Variants in RTN1 observed in about 807,000 individuals in gnomAD.
RTN1 encodes the protein reticulon 1, also known as reticulon-1.
Under a neutral mutation model 65.5 loss-of-function variants are expected in RTN1, and 25 were observed. That is an observed-to-expected ratio of 0.38 (90% CI 0.28 to 0.53). The LOEUF (loss-of-function observed/expected upper bound fraction) is 0.53. Among genes scored for constraint, RTN1 ranks in the 20% least tolerant of loss-of-function variants. The pLI is 0.79. For synonymous variants in RTN1, 471 were observed against 447.6 expected (o/e 1.05, Z -0.66); for missense variants, 983 against 1,025.4 (o/e 0.96, Z 0.57).
At chr14:59,738,040 C>G (rs1274705327) in intron 2 of RTN1, among the ~76,000 whole-genome samples, 1 of 152,114 alleles carries the variant, frequency 6.6e-6, no homozygotes, top group Non-Finnish European at 1.5e-5. Flanking sequence ...AAATGTAAAA[C>G]CCAAAACTAT....
chr14:59,689,305 G>A (rs898725850), intron 3 of RTN1, among the ~76,000 whole-genome samples: 2 of 152,150 alleles, frequency 1.3e-5, no homozygotes, highest in African/African-American at 4.8e-5. Flanking sequence ...TTAGAAATAT[G>A]GGATTAGGTA....
rs1404398210 is a variant in RTN1 at position 59,704,160 on chromosome 14, G to A, written c.1765+22759C>T. Among the ~76,000 whole-genome samples the A allele has an allele frequency of 1.3e-5, 2 of 152,164 alleles. 1 individual carries two copies. The highest frequency in any genetic ancestry group is 4.2e-4 in the South Asian group (2 of 4,812). ...GAGTCTGATGAAAGTTACGATCTTG[G>A]TCTAGCAAAATGCTCCTGCAAATAT... On this transcript the variant is annotated intron_variant, in intron 3 of 8. Transcript: ENST00000267484.
chr14:59,812,644 A>C (rs78974457), intron 1 of RTN1, among the ~76,000 whole-genome samples: 1,841 of 152,292 alleles, frequency 0.012, 35 homozygotes, highest in African/African-American at 0.041. Context: ...CAATTCAGCT[A>C]TTTTCTCCAT....
At chr14:59,823,815 C>T (rs1886985013) in intron 1 of RTN1, among the ~76,000 whole-genome samples, 1 of 152,160 alleles carries the variant, frequency 6.6e-6, no homozygotes, top group Admixed American at 6.5e-5. Context: ...ACCTCTCTAG[C>T]AAGGTTGGGG....
intron 3 of RTN1, among the ~76,000 whole-genome samples, chr14:59,717,198 G>T (rs1348985137): frequency 6.6e-6 from 1 of 152,128 alleles, no homozygotes; most frequent in East Asian, 1.9e-4. Context: ...AAAGAATTAG[G>T]TTTTGGGGCA....
At chr14:59,668,523 C>A (rs1270926366) in intron 3 of RTN1, among the ~76,000 whole-genome samples, 1 of 152,140 alleles carries the variant, frequency 6.6e-6, no homozygotes, top group Non-Finnish European at 1.5e-5. Context: ...TAGGCAATAC[C>A]ATTCAGGACA....
chr14:59,796,025 G>T (rs182062165), intron 1 of RTN1, among the ~76,000 whole-genome samples: 6 of 152,224 alleles, frequency 3.9e-5, no homozygotes, highest in Non-Finnish European at 7.4e-5. Flanking sequence ...ATGAGGTAAG[G>T]TCTCTGCCCC....
chr14:59,723,434 A>G (rs930979990), intron 3 of RTN1, among the ~76,000 whole-genome samples: 7 of 151,156 alleles, frequency 4.6e-5, no homozygotes, highest in East Asian at 2.0e-4. Context: ...GTGAAACCCC[A>G]TCTCCACTAA....
chr14:59,738,959 T>C (rs1366235727), intron 2 of RTN1, among the ~76,000 whole-genome samples: 2 of 151,562 alleles, frequency 1.3e-5, no homozygotes, highest in Non-Finnish European at 2.9e-5. Flanking sequence ...TAAGAACACA[T>C]GGACATATTG....
intron 2 of RTN1, among the ~76,000 whole-genome samples, chr14:59,737,849 A>T (rs1298261252): frequency 6.6e-6 from 1 of 152,190 alleles, no homozygotes; most frequent in East Asian, 1.9e-4. Context: ...GAAACCAGTA[A>T]TAAGACCACA....
At chr14:59,611,611 T>G (rs1468458695) in intron 3 of RTN1, among the ~76,000 whole-genome samples, 1 of 152,072 alleles carries the variant, frequency 6.6e-6, no homozygotes, top group East Asian at 1.9e-4. Flanking sequence ...CACCATGGGG[T>G]GTCTGTGTCT....
intron 3 of RTN1, among the ~76,000 whole-genome samples, chr14:59,687,386 G>C (rs916588937): frequency 6.6e-6 from 1 of 151,774 alleles, no homozygotes; most frequent in Non-Finnish European, 1.5e-5. Flanking sequence ...TCAGTAGTCG[G>C]AGCCAGCCTA....
chr14:59,863,050 C>T (rs1001436218), intron 1 of RTN1, among the ~76,000 whole-genome samples: 2 of 152,054 alleles, frequency 1.3e-5, no homozygotes, highest in Admixed American at 6.6e-5. Context: ...CACCTTTATC[C>T]AATATCAGCC....
intron 3 of RTN1, among the ~76,000 whole-genome samples, chr14:59,631,650 G>A (rs1956369): frequency 0.8 from 121,507 of 152,162 alleles, 48,625 homozygotes; most frequent in Admixed American, 0.86. Flanking sequence ...AGACCCTGAA[G>A]GAATGGATGG....
In RTN1 at chr14:59,673,072, T is replaced by G. The variant is rs536258896; in HGVS notation, c.1765+53847A>C. 2.0e-5 allele frequency among the ~76,000 whole-genome samples: 3 copies of G among 152,374 alleles called. No homozygotes were observed. In the South Asian group the frequency reaches 6.2e-4, roughly 32 times the overall value. ...ACTTTCATTTTTTAAATGAAAACTT[T>G]TATTGAAATACTTGTATAATACTAA... is the stretch of plus-strand genomic sequence containing the variant. On this transcript the variant is annotated intron_variant, in intron 3 of 8. Transcript: ENST00000267484.
Position 59,745,121 on chromosome 14 carries a change from T to C in RTN1, c.1015+587A>G, listed in dbSNP as rs549272241. On this transcript the variant is annotated intron_variant, in intron 2 of 8. Coordinates refer to ENST00000267484, the MANE Select transcript of RTN1 (RefSeq NM_021136.3). ...GAATAAGAGAGACTTGAGCATAGCA[T>C]GTTAGCATGTTCAGCCCCCTCACCA... Among the ~76,000 whole-genome samples the C allele has an allele frequency of 7.2e-5, 11 of 152,270 alleles. 1 individual carries two copies. Among genetic ancestry groups the C allele is most frequent in the Admixed American group, 2.0e-4 (3 of 15,304 alleles).
intron 1 of RTN1, among the ~76,000 whole-genome samples, chr14:59,863,414 G>A (rs1197438232): frequency 6.6e-6 from 1 of 152,052 alleles, no homozygotes; most frequent in Non-Finnish European, 1.5e-5. Context: ...CCAGTGGCTG[G>A]CTCTCAGTCT....
At chr14:59,746,564 C>T (rs1885232149) in intron 1 of RTN1, 83 bp from the exon 2 acceptor site, 2 of 1,181,622 alleles carry the variant, frequency 1.7e-6, no homozygotes, top group South Asian at 1.5e-5. Flanking sequence ...CCACCCCTGC[C>T]TGGTGAAGAC....
At chr14:59,706,761 A>C (rs544539680) in intron 3 of RTN1, among the ~76,000 whole-genome samples, 2 of 152,366 alleles carry the variant, frequency 1.3e-5, no homozygotes, top group South Asian at 4.1e-4. Flanking sequence ...GTTCTGCTCA[A>C]ACTGACCTTT....
Sources: gnomAD v4.1 joint callset for allele counts (sites outside exome capture counted in the v4.1 genomes callset) on GRCh38, gnomAD v4.1.1 for gene constraint, MANE v1.5 for transcripts, NCBI Gene and HGNC (gene_info 2026-07-23, HGNC 2026-07-21) for gene names.